GREB1: variants seen among roughly 807,000 people sequenced by gnomAD.
GREB1 encodes the protein protein GREB1.
Under a neutral mutation model 200.7 loss-of-function variants are expected in GREB1, and 106 were observed. That is an observed-to-expected ratio of 0.53 (90% CI 0.45 to 0.62). The LOEUF (loss-of-function observed/expected upper bound fraction) is 0.62. Among genes scored for constraint, GREB1 ranks in the 20% least tolerant of loss-of-function variants. GREB1 has a pLI of 0.00. For missense variants in GREB1, 2,243 were observed against 2,556.8 expected, an observed-to-expected ratio of 0.88 and a Z score of 2.65; for synonymous variants, 1,132 against 1,092.4, an observed-to-expected ratio of 1.04 and a Z score of -0.72.
At chr2:11,586,354 TTTGG>T (rs1680090249) in intron 9 of GREB1, among the ~76,000 whole-genome samples, 1 of 152,246 alleles carries the variant, frequency 6.6e-6, no homozygotes, top group African/African-American at 2.4e-5. Context: ...TGAAATCTAC[TTTGG>T]TTGGGCAAAG....
At chr2:11,611,617 A>G (rs1682935666) in intron 18 of GREB1, among the ~76,000 whole-genome samples, 1 of 152,152 alleles carries the variant, frequency 6.6e-6, no homozygotes, top group South Asian at 2.1e-4. Flanking sequence ...TGCAGCACTT[A>G]GGTTGGTGTC....
At chr2:11,557,596 C>T (rs1676555180) in intron 2 of GREB1, among the ~76,000 whole-genome samples, 1 of 152,148 alleles carries the variant, frequency 6.6e-6, no homozygotes, top group Middle Eastern at 3.2e-3. Flanking sequence ...AGAATTGCAC[C>T]TAGAGAAGAA....
At chr2:11,543,815 G>T (rs1448394025) in intron 1 of GREB1, among the ~76,000 whole-genome samples, 2 of 152,186 alleles carry the variant, frequency 1.3e-5, no homozygotes, top group Non-Finnish European at 2.9e-5. Flanking sequence ...CGGTGTCCAT[G>T]TTCGTGTGCA....
Position 11,587,744 on chromosome 2 carries a change from C to CGCGCG in GREB1, c.1160-1002_1160-1001insGCGCG. The CGCGCG allele has an allele frequency of 2.6e-6, 3 of 1,168,746 alleles. No individual in the cohort carries two copies. The South Asian group carries it at 9.0e-5, about 35-fold the overall frequency. 72.4% of individuals were successfully genotyped at this position (1,168,746 alleles called of 1,614,324 possible). A position where few individuals can be genotyped will look rare whatever the true frequency, so the allele number is the denominator to read the frequency against. ...ACACACACACACACACACACACACG[C>CGCGCG]CACCTTTGGGAGCTCAGCAGCCCCG... On this transcript the variant is annotated intron_variant, in intron 9 of 32. Transcript: ENST00000381486.
chr2:11,612,215 A>G, intron 18 of GREB1: 1 of 544,280 alleles, frequency 1.8e-6, no homozygotes, highest in East Asian at 1.1e-4. Flanking sequence ...AAAAAGACTT[A>G]AGGAGCAGCT....
At chr2:11,554,178 CCT>C (rs1676210977) in intron 1 of GREB1, among the ~76,000 whole-genome samples, 1 of 152,160 alleles carries the variant, frequency 6.6e-6, no homozygotes, top group Admixed American at 6.5e-5. Context: ...CGGCTGCTGA[CCT>C]CTCTCTTTCA....
chr2:11,624,615 G>T (rs932723536), intron 23 of GREB1, among the ~76,000 whole-genome samples: 1 of 152,090 alleles, frequency 6.6e-6, no homozygotes, highest in Non-Finnish European at 1.5e-5. Context: ...AAAGTGCTGG[G>T]ATTACAGGCA....
chr2:11,568,504 C>T (rs1011793920), intron 4 of GREB1, among the ~76,000 whole-genome samples: 1 of 152,266 alleles, frequency 6.6e-6, no homozygotes, highest in African/African-American at 2.4e-5. Flanking sequence ...CCAGAAAACC[C>T]ACTCTAGCAA....
intron 24 of GREB1, 48 bp from the exon 25 acceptor site, chr2:11,626,914 G>A (rs758414231): frequency 1.9e-6 from 3 of 1,607,760 alleles, no homozygotes; most frequent in Admixed American, 3.3e-5. Flanking sequence ...AGGGGATAAT[G>A]TTTGCTTTGC....
rs562352067 is a variant in GREB1 at position 11,619,034 on chromosome 2, G to T, written c.4044+115G>T. ...CACGTCTTCACTTTTCACCCTTCCC[G>T]TGGTGGAATCTTCTCCAATGGCCTG... On this transcript the variant is annotated intron_variant, in intron 22 of 32. Coordinates refer to ENST00000381486, the MANE Select transcript of GREB1 (RefSeq NM_014668.4). The T allele has an allele frequency of 1.1e-5, 12 of 1,049,460 alleles. No individual in the cohort carries two copies. The East Asian group carries it at 2.4e-4, about 21-fold the overall frequency. The allele number at this position is 1,049,460 out of a possible 1,614,324, so 65.0% of individuals were successfully genotyped here. A position where few individuals can be genotyped will look rare whatever the true frequency, so the allele number is the denominator to read the frequency against.
intron 1 of GREB1, among the ~76,000 whole-genome samples, chr2:11,520,515 A>G (rs1018297888): frequency 6.6e-6 from 1 of 152,144 alleles, no homozygotes; most frequent in African/African-American, 2.4e-5. Flanking sequence ...TCTAGAGGCC[A>G]CTCACATTTC....
chr2:11,495,513 A>G (rs911286388), intron 1 of GREB1, among the ~76,000 whole-genome samples: 3 of 152,118 alleles, frequency 2.0e-5, no homozygotes, highest in Non-Finnish European at 2.9e-5. Flanking sequence ...ACCTAAAAGG[A>G]TGCATTAAAA....
At chr2:11,615,510 C>G (rs573835430) in intron 20 of GREB1, among the ~76,000 whole-genome samples, 5 of 152,198 alleles carry the variant, frequency 3.3e-5, no homozygotes, top group Non-Finnish European at 7.3e-5. Context: ...CTCCCCATCT[C>G]TTTTGGTGGT....
At chr2:11,483,588 T>C (rs556390109) in intron 1 of GREB1, among the ~76,000 whole-genome samples, 1 of 151,990 alleles carries the variant, frequency 6.6e-6, no homozygotes, top group East Asian at 1.9e-4. Context: ...TAGGGGCCCC[T>C]GCACTTGAAG....
In GREB1 at chr2:11,538,719, TC is replaced by T. The variant is rs1674445466; in HGVS notation, c.-162+4470del. 1.8e-5 allele frequency among the ~76,000 whole-genome samples: 2 copies of T among 111,980 alleles called. 1 individual carries two copies. The highest frequency in any genetic ancestry group is 3.6e-5 in the Non-Finnish European group (2 of 55,132). 73.5% of individuals were successfully genotyped at this position (111,980 alleles called of 152,430 possible). On this transcript the variant is annotated intron_variant, in intron 1 of 32. Transcript: ENST00000381486. ...CTCCCTCCCTCCCTCCCTTCCTCCC[TC>T]CCCCTCTCTCTCACTTTCCCTTCCT... is the stretch of plus-strand genomic sequence containing the variant.
rs2148117749 is a variant in GREB1 at position 11,585,258 on chromosome 2, G to A, written c.999G>A (p.Gly333=). 1 of 1,555,558 alleles carries A rather than the reference G, an allele frequency of 6.4e-7. No homozygotes were observed. The highest frequency in any genetic ancestry group is 1.4e-5 in the African/African-American group (1 of 72,698). Reference sequence around the variant, plus strand: ...ATGGTGGCTGCCCCCAAGGTGGTGGGAACAGAGCTAAGTATGGTAAGTGAT... The same window carrying A: ...ATGGTGGCTGCCCCCAAGGTGGTGGAAACAGAGCTAAGTATGGTAAGTGAT... ...APDGGCPQGG[G]NRAKYESAGM... Residue 333 remains glycine (G), a synonymous_variant, in exon 8 of 33, where the codon GGG becomes GGA. Transcript: ENST00000381486.
intron 1 of GREB1, among the ~76,000 whole-genome samples, chr2:11,527,128 A>G (rs533073966): frequency 3.9e-5 from 6 of 152,198 alleles, no homozygotes; most frequent in Admixed American, 6.5e-5. Flanking sequence ...CAGCAGAGCC[A>G]TGTAGTGTAC....
At chr2:11,578,497 G>A (rs1572782675) in intron 6 of GREB1, 66 bp downstream of exon 6, 38 of 1,521,798 alleles carry the variant, frequency 2.5e-5, no homozygotes, top group South Asian at 2.2e-4. Context: ...CGATGTGTCC[G>A]GTTGACTATG....
Position 11,559,838 on chromosome 2 carries a change from C to A in GREB1, c.158-2625C>A, listed in dbSNP as rs114199415. Among the ~76,000 whole-genome samples, 481 of 152,316 alleles carry A rather than the reference C, an allele frequency of 3.2e-3. 5 individuals carry two copies. Among genetic ancestry groups the A allele is most frequent in the African/African-American group, 0.011 (456 of 41,558 alleles). On this transcript the variant is annotated intron_variant, in intron 2 of 32. Transcript: ENST00000381486. Reference sequence around the variant, plus strand: ...AGAGTGTGTCTCCCTCCCCACCCCACCTCTGGGTAATCTCTTCACACCTTT... The same window carrying A: ...AGAGTGTGTCTCCCTCCCCACCCCAACTCTGGGTAATCTCTTCACACCTTT...
Sources: gnomAD v4.1 joint callset for allele counts (sites outside exome capture counted in the v4.1 genomes callset) on GRCh38, gnomAD v4.1.1 for gene constraint, MANE v1.5 for transcripts, NCBI Gene and HGNC (gene_info 2026-07-23, HGNC 2026-07-21) for gene names.